Variants in WWOX observed in about 807,000 individuals in gnomAD.
The protein encoded by WWOX is WW domain containing oxidoreductase.
A neutral mutation model predicts 46.2 loss-of-function variants in WWOX; 69 were observed. That is an observed-to-expected ratio of 1.49 (90% CI 1.23 to 1.82). The LOEUF (loss-of-function observed/expected upper bound fraction) is 1.82, where lower values mean the gene tolerates loss of function less well. Among genes scored for constraint, WWOX ranks in the 40% most tolerant of loss-of-function variants. The pLI, the probability that WWOX is intolerant of heterozygous loss-of-function variation, is 0.00. For missense variants in WWOX, 919 were observed against 542.6 expected (o/e 1.69, Z -6.89); for synonymous variants, 359 against 202.6 (o/e 1.77, Z -6.56).
intron 8 of WWOX, among the ~76,000 whole-genome samples, chr16:78,584,599 T>C (rs1431055424): frequency 6.6e-6 from 1 of 152,184 alleles, no homozygotes; most frequent in Non-Finnish European, 1.5e-5. Flanking sequence ...GGCATGCTGT[T>C]GAGTGAAAGA....
intron 8 of WWOX, among the ~76,000 whole-genome samples, chr16:78,460,037 G>C: frequency 6.6e-6 from 1 of 151,766 alleles, no homozygotes; most frequent in African/African-American, 2.4e-5. Context: ...GAACTCCTGG[G>C]CTCAAGCAAT....
chr16:78,761,175 C>A, intron 8 of WWOX, among the ~76,000 whole-genome samples: 1 of 152,132 alleles, frequency 6.6e-6, no homozygotes, highest in Non-Finnish European at 1.5e-5. Flanking sequence ...CTTATAAGAA[C>A]TATTGCATTT....
intron 8 of WWOX, among the ~76,000 whole-genome samples, chr16:78,884,498 G>T (rs1463515111): frequency 6.6e-6 from 1 of 152,022 alleles, no homozygotes; most frequent in Non-Finnish European, 1.5e-5. Context: ...CACAAGAGGA[G>T]ACTACTCACC....
chr16:78,339,669 C>T lies in WWOX; in HGVS notation c.517-47191C>T, dbSNP rs78071806. 7.6e-5 allele frequency among the ~76,000 whole-genome samples: 9 copies of T among 118,810 alleles called. No homozygotes were observed. In the East Asian group the frequency reaches 1.7e-3, roughly 23 times the overall value. 77.9% of individuals were successfully genotyped at this position (118,810 alleles called of 152,430 possible). On this transcript the variant is annotated intron_variant, in intron 5 of 8. Coordinates refer to ENST00000566780, the MANE Select transcript of WWOX (RefSeq NM_016373.4). ...TTCAGGTTTCAAAATGTTTCTGTTC[C>T]ATCCTCATTTTATTCATTGTTAGGG...
At chr16:78,378,768 G>A (rs966885384) in intron 5 of WWOX, among the ~76,000 whole-genome samples, 1 of 152,180 alleles carries the variant, frequency 6.6e-6, no homozygotes, top group Admixed American at 6.5e-5. Context: ...GATGCCATTA[G>A]CAATAAGCTC....
chr16:78,556,180 T>C (rs1435021631), intron 8 of WWOX, among the ~76,000 whole-genome samples: 1 of 151,838 alleles, frequency 6.6e-6, no homozygotes, highest in Non-Finnish European at 1.5e-5. Context: ...TATAATTTTC[T>C]GCTTTAACAG....
chr16:78,996,348 A>C, intron 8 of WWOX: 1 of 980,662 alleles, frequency 1.0e-6, no homozygotes, highest in Non-Finnish European at 1.2e-6. Context: ...AGGATGAAAT[A>C]GAAAGAGTGT....
chr16:79,133,026 C>T (rs977249689), intron 8 of WWOX, among the ~76,000 whole-genome samples: 2 of 152,170 alleles, frequency 1.3e-5, no homozygotes, highest in Non-Finnish European at 2.9e-5. Flanking sequence ...TGAGATTTTC[C>T]TTCTGGCTTT....
At chr16:78,796,831 T>C (rs1267087523) in intron 8 of WWOX, among the ~76,000 whole-genome samples, 2 of 150,450 alleles carry the variant, frequency 1.3e-5, no homozygotes, top group African/African-American at 4.9e-5. Flanking sequence ...CTTCTTCTTT[T>C]TTTTTTTTTT....
chr16:78,533,103 C>T lies in WWOX; in HGVS notation c.1056+100351C>T, dbSNP rs75875860. On this transcript the variant is annotated intron_variant, in intron 8 of 8. Transcript: ENST00000566780. ...CCTAGCCTCAGTTCCTTTCCATCCT[C>T]AGAACTCCTCCCAGTGCCTCTCAAT... Among the ~76,000 whole-genome samples, 151 of 152,226 alleles carry T rather than the reference C, an allele frequency of 9.9e-4. 4 individuals carry two copies. In the East Asian group the frequency reaches 0.025, roughly 25 times the overall value.
chr16:78,725,788 C>A (rs572339339), intron 8 of WWOX, among the ~76,000 whole-genome samples: 1 of 151,998 alleles, frequency 6.6e-6, no homozygotes, highest in African/African-American at 2.4e-5. Flanking sequence ...CTACTCCATG[C>A]CTTTGTCTTA....
intron 6 of WWOX, among the ~76,000 whole-genome samples, chr16:78,397,605 T>A (rs538794656): frequency 1.3e-5 from 2 of 152,196 alleles, no homozygotes; most frequent in Non-Finnish European, 2.9e-5. Flanking sequence ...TTGGGAAATA[T>A]ACCATGTAAA....
intron 6 of WWOX, among the ~76,000 whole-genome samples, chr16:78,421,216 G>T (rs1043085711): frequency 6.6e-6 from 1 of 152,166 alleles, no homozygotes; most frequent in African/African-American, 2.4e-5. Context: ...CTCTCTTACA[G>T]TTTCAGAGAC....
At chr16:78,855,287 T>C (rs2052540801) in intron 8 of WWOX, among the ~76,000 whole-genome samples, 1 of 151,868 alleles carries the variant, frequency 6.6e-6, no homozygotes, top group African/African-American at 2.4e-5. Context: ...TTTATAGGAG[T>C]CATCTTCTTG....
At chr16:78,523,358 C>G (rs2043389970) in intron 8 of WWOX, among the ~76,000 whole-genome samples, 1 of 152,198 alleles carries the variant, frequency 6.6e-6, no homozygotes, top group African/African-American at 2.4e-5. Context: ...GCTGAGAGCC[C>G]TGCTTCCCCT....
chr16:78,317,702 A>C (rs1282030850), intron 5 of WWOX, among the ~76,000 whole-genome samples: 1 of 152,076 alleles, frequency 6.6e-6, no homozygotes, highest in African/African-American at 2.4e-5. Flanking sequence ...TCCAGAGAGT[A>C]AGCGACTCAG....
intron 8 of WWOX, among the ~76,000 whole-genome samples, chr16:78,775,261 A>C (rs940164727): frequency 1.1e-4 from 16 of 152,158 alleles, no homozygotes; most frequent in Non-Finnish European, 2.1e-4. Flanking sequence ...ACAAAACAAA[A>C]ATATCTTGTG....
At chr16:78,964,331 C>T (rs931538401) in intron 8 of WWOX, among the ~76,000 whole-genome samples, 1 of 152,166 alleles carries the variant, frequency 6.6e-6, no homozygotes, top group Admixed American at 6.5e-5. Context: ...AATGTCCAGG[C>T]TGAGGTGGTC....
chr16:78,852,115 G>C (rs1191354254), intron 8 of WWOX, among the ~76,000 whole-genome samples: 1 of 152,092 alleles, frequency 6.6e-6, no homozygotes, highest in East Asian at 1.9e-4. Flanking sequence ...AGGTCATTTT[G>C]TTGTTGAAAT....
Sources: allele counts gnomAD v4.1 joint callset (sites outside exome capture counted in the v4.1 genomes callset), GRCh38; gene constraint gnomAD v4.1.1; transcripts MANE v1.5; gene names NCBI Gene and HGNC (gene_info 2026-07-23, HGNC 2026-07-21).